DOCK2: variants seen among roughly 807,000 people sequenced by gnomAD.
DOCK2 encodes dedicator of cytokinesis 2.
In DOCK2, 87 loss-of-function variants were observed where a neutral mutation model predicts 248.9. The observed-to-expected ratio is 0.35, with a 90% CI of 0.29 to 0.42. DOCK2 has a LOEUF of 0.42. DOCK2 is among the 10% of genes least tolerant of loss of function. The pLI is 1.00. For missense variants in DOCK2, 1,747 were observed against 2,300.2 expected (o/e 0.76, Z 4.92); for synonymous variants, 805 against 821.6 (o/e 0.98, Z 0.35).
At chr5:169,772,308 G>A (rs944729803) in intron 25 of DOCK2, among the ~76,000 whole-genome samples, 8 of 152,322 alleles carry the variant, frequency 5.3e-5, no homozygotes, top group Admixed American at 1.3e-4. Context: ...CTCTCGGCTT[G>A]CACTTTCTCA....
At chr5:170,054,955 CA>C (rs773978169) in intron 41 of DOCK2, among the ~76,000 whole-genome samples, 2 of 152,102 alleles carry the variant, frequency 1.3e-5, no homozygotes, top group Non-Finnish European at 2.9e-5. Context: ...TTGAGGAGAT[CA>C]AATGAGATCA....
chr5:169,961,978 C>CTAAAAAAAAAAAAAAAAA (rs1777104664), intron 27 of DOCK2, among the ~76,000 whole-genome samples: 3 of 74,634 alleles, frequency 4.0e-5, no homozygotes, highest in Non-Finnish European at 7.1e-5. Flanking sequence ...GACTCTGTCC[C>CTAAAAAAAAAAAAAAAAA]AAAAAAAAAA....
chr5:169,940,709 A>G (rs1776206596), intron 27 of DOCK2, among the ~76,000 whole-genome samples: 1 of 152,092 alleles, frequency 6.6e-6, no homozygotes, highest in South Asian at 2.1e-4. Context: ...TAATCCCACC[A>G]CTGATCTGAC....
intron 9 of DOCK2, among the ~76,000 whole-genome samples, chr5:169,694,366 C>T (rs1237871800): frequency 1.3e-5 from 2 of 152,216 alleles, no homozygotes; most frequent in African/African-American, 2.4e-5. Context: ...CAGGGGGCCT[C>T]AAGATCACTG....
intron 27 of DOCK2, among the ~76,000 whole-genome samples, chr5:169,931,313 C>T (rs1561833608): frequency 6.6e-6 from 1 of 152,238 alleles, no homozygotes; most frequent in South Asian, 2.1e-4. Context: ...ACAGGTCTTA[C>T]TTCCAACAGT....
At chr5:169,963,772 C>T (rs562693697) in intron 27 of DOCK2, among the ~76,000 whole-genome samples, 1 of 152,288 alleles carries the variant, frequency 6.6e-6, no homozygotes, top group Non-Finnish European at 1.5e-5. Flanking sequence ...CATTCACTCA[C>T]TACAGATGCT....
chr5:169,774,983 A>T (rs943094747), intron 25 of DOCK2, among the ~76,000 whole-genome samples: 12 of 152,218 alleles, frequency 7.9e-5, no homozygotes, highest in Admixed American at 4.6e-4. Context: ...ATCTTGGCTC[A>T]CCGCAGCCTC....
intron 23 of DOCK2, among the ~76,000 whole-genome samples, chr5:169,758,071 T>TA (rs375220249): frequency 6.6e-6 from 1 of 152,054 alleles, no homozygotes; most frequent in Non-Finnish European, 1.5e-5. Flanking sequence ...GTATTTTTTT[T>TA]ACCACGTATT....
intron 25 of DOCK2, among the ~76,000 whole-genome samples, chr5:169,800,899 G>A (rs2113117977): frequency 6.8e-6 from 1 of 147,468 alleles, no homozygotes; most frequent in Non-Finnish European, 1.5e-5. Context: ...GAGCCTGAGA[G>A]ACTACATATT....
chr5:170,082,653 G>A (rs1581583067), intron 51 of DOCK2, 143 bp from the exon 52 acceptor site: 1 of 1,081,556 alleles, frequency 9.2e-7, no homozygotes, highest in East Asian at 2.6e-5. Context: ...TCTGGCCAAA[G>A]CCAAGGGCAT....
intron 38 of DOCK2, among the ~76,000 whole-genome samples, chr5:170,044,809 C>T (rs1164228128): frequency 1.3e-5 from 2 of 152,158 alleles, no homozygotes; most frequent in South Asian, 2.1e-4. Context: ...GCAACCTCCC[C>T]TCTCTCCTCC....
At chr5:169,835,383 T>C (rs1326980187) in intron 26 of DOCK2, among the ~76,000 whole-genome samples, 2 of 151,232 alleles carry the variant, frequency 1.3e-5, no homozygotes. Flanking sequence ...GCCTTCCAAG[T>C]AGCTGGGACT....
chr5:169,756,424 C>T (rs748623399), intron 23 of DOCK2, among the ~76,000 whole-genome samples: 13 of 152,082 alleles, frequency 8.5e-5, no homozygotes, highest in Non-Finnish European at 1.3e-4. Context: ...GATGAGTACG[C>T]GTTATAATCT....
At chr5:169,926,345 G>C (rs1244557148) in intron 27 of DOCK2, among the ~76,000 whole-genome samples, 1 of 152,190 alleles carries the variant, frequency 6.6e-6, no homozygotes, top group Non-Finnish European at 1.5e-5. Flanking sequence ...TTTGATGAAT[G>C]TCTGAAAAAT....
At chr5:170,000,850 C>A (rs146781845) in intron 30 of DOCK2, among the ~76,000 whole-genome samples, 6 of 152,172 alleles carry the variant, frequency 3.9e-5, no homozygotes, top group African/African-American at 1.4e-4. Flanking sequence ...AACTTCTAGA[C>A]TATTTCTAGC....
chr5:170,011,334 AAGATCATGTAGTGGGTT>A (rs1755284133), intron 32 of DOCK2, among the ~76,000 whole-genome samples: 1 of 152,210 alleles, frequency 6.6e-6, no homozygotes, highest in African/African-American at 2.4e-5. Context: ...GGGTTTGTAC[AAGATCATGTAGTGGGTT>A]AGAGGCAGAA....
chr5:170,008,225 C>CAAA (rs60090712), intron 30 of DOCK2, among the ~76,000 whole-genome samples: 3 of 113,880 alleles, frequency 2.6e-5, no homozygotes, highest in East Asian at 4.3e-4. Context: ...ACAACAACAA[C>CAAA]AAAAAAAAAA....
chr5:169,985,273 AG>A (rs1205364936), intron 28 of DOCK2, among the ~76,000 whole-genome samples: 1 of 151,810 alleles, frequency 6.6e-6, no homozygotes, highest in African/African-American at 2.4e-5. Context: ...AATCTAGTGA[AG>A]GGTGCTGAAG....
intron 14 of DOCK2, 61 bp from the exon 15 acceptor site, chr5:169,708,108 C>T: frequency 6.4e-7 from 1 of 1,570,218 alleles, no homozygotes. Flanking sequence ...ACCAAACCTG[C>T]ACAAGCACAG....
Sources: gnomAD v4.1 joint callset for allele counts (sites outside exome capture counted in the v4.1 genomes callset) on GRCh38, gnomAD v4.1.1 for gene constraint, MANE v1.5 for transcripts, NCBI Gene and HGNC (gene_info 2026-07-23, HGNC 2026-07-21) for gene names.